DHX8: variants seen among roughly 807,000 people sequenced by gnomAD.
DHX8 encodes DEAH-box helicase 8, also known as ATP-dependent RNA helicase DHX8.
In DHX8, 67 loss-of-function variants were observed where a neutral mutation model predicts 140.7. The observed-to-expected ratio is 0.48, with a 90% CI of 0.39 to 0.58. The LOEUF is 0.58. Among genes scored for constraint, DHX8 ranks in the 20% least tolerant of loss-of-function variants. The pLI is 0.00. For missense variants in DHX8, 887 were observed against 1,550.7 expected (o/e 0.57, Z 7.19); for synonymous variants, 533 against 553.2 (o/e 0.96, Z 0.51).
chr17:43,525,814 C>G (rs1465046976), downstream of DHX8: 2 of 985,722 alleles, frequency 2.0e-6, no homozygotes, highest in Non-Finnish European at 2.4e-6. Flanking sequence ...CAGAAACACT[C>G]CTGGATATAG....
At chr17:43,493,102 A>G (rs771589878) in intron 6 of DHX8, 62 bp downstream of exon 6, 37 of 1,555,326 alleles carry the variant, frequency 2.4e-5, no homozygotes, top group Non-Finnish European at 3.1e-5. Flanking sequence ...ATCACTGAGG[A>G]TGTTCACATT....
rs1453204751 is a variant in DHX8 at position 43,492,836 on chromosome 17, C to CT, written c.660dup (p.Arg221Ter). 6.2e-7 allele frequency: 1 copy of CT among 1,614,066 alleles called. No homozygotes were observed. Among genetic ancestry groups the CT allele is most frequent in the East Asian group, 2.2e-5 (1 of 44,882 alleles). On this transcript the variant is annotated frameshift_variant, in exon 6 of 23. Coordinates refer to ENST00000262415, the MANE Select transcript of DHX8 (RefSeq NM_004941.3). LOFTEE classifies it high-confidence loss of function. Reference sequence around the variant, plus strand: ...ACCCGGGAGAGGAATAAAGTGAAGTCTAGATATCGGTCCAGGAGCAGGAGT... The same window carrying CT: ...ACCCGGGAGAGGAATAAAGTGAAGTCTTAGATATCGGTCCAGGAGCAGGAGT...
chr17:43,521,261 C>A, intron 20 of DHX8, 108 bp from the exon 21 acceptor site: 2 of 903,400 alleles, frequency 2.2e-6, no homozygotes, highest in Non-Finnish European at 3.3e-6. Context: ...TCATGCCTAG[C>A]CTGATGTGGA....
At chr17:43,504,323 A>C (rs946162669) in intron 11 of DHX8, among the ~76,000 whole-genome samples, 3 of 151,942 alleles carry the variant, frequency 2.0e-5, no homozygotes, top group Non-Finnish European at 2.9e-5. Flanking sequence ...GCACCACTGC[A>C]CTCCCACTTG....
chr17:43,531,648 C>G (rs1317521373), downstream of DHX8, among the ~76,000 whole-genome samples: 1 of 152,124 alleles, frequency 6.6e-6, no homozygotes, highest in Non-Finnish European at 1.5e-5. Context: ...CCAGCCTGGG[C>G]GAGAGAGCAA....
At position 43,504,705 on chromosome 17, in the gene DHX8, T is replaced by C; in HGVS notation, c.1608T>C (p.Pro536=). 6.2e-7 allele frequency: 1 copy of C among 1,614,120 alleles called. No individual in the cohort carries two copies. Residue 536 remains proline, a synonymous_variant, in exon 12 of 23, where the codon CCT becomes CCC. Transcript: ENST00000262415. ...RGIGMMPNDI[P]EWKKHAFGGN... is the part of the protein sequence containing the mutation. The stretch of plus-strand genomic sequence containing the variant: ...TTGGGATGATGCCCAATGATATTCC[T>C]GAGTGGAAGAAGCATGCCTTTGGGG...
chr17:43,496,729 G>A (rs113367947), intron 9 of DHX8, among the ~76,000 whole-genome samples: 2,660 of 151,744 alleles, frequency 0.018, 80 homozygotes, highest in African/African-American at 0.06. Flanking sequence ...GCCGTGAGCC[G>A]AGATCGCGCC....
At chr17:43,511,456 A>ATTCTTTTTTTTTTTTT (rs1969821932) in intron 16 of DHX8, among the ~76,000 whole-genome samples, 1 of 56,790 alleles carries the variant, frequency 1.8e-5, no homozygotes, top group Non-Finnish European at 2.9e-5. Flanking sequence ...TGATCCCAGC[A>ATTCTTTTTTTTTTTTT]TTTTTTTTTT....
intron 18 of DHX8, 42 bp downstream of exon 18, chr17:43,517,364 C>A: frequency 6.4e-7 from 1 of 1,572,884 alleles, no homozygotes. Flanking sequence ...GTGGAACAGT[C>A]CAATCCTGGC....
rs142353577 is a variant in DHX8, at chr17:43,525,128, A to G, written c.*1281A>G. On this transcript the variant is annotated 3_prime_UTR_variant, in exon 23 of 23. Coordinates refer to ENST00000262415, the MANE Select transcript of DHX8 (RefSeq NM_004941.3). The stretch of plus-strand genomic sequence containing the variant: ...CTCCTTACCTGGCGGAACATCAGGC[A>G]GGTCTTGCCAGGCCAGGTTTCGGAA... The G allele has an allele frequency of 2.0e-6, 2 of 985,410 alleles. No individual in the cohort carries two copies. Among genetic ancestry groups the G allele is most frequent in the African/African-American group, 3.5e-5 (2 of 57,346 alleles). The allele number at this position is 985,410 out of a possible 1,614,324, so 61.0% of individuals were successfully genotyped here.
chr17:43,520,336 C>A, intron 19 of DHX8, 69 bp downstream of exon 19: 1 of 1,577,810 alleles, frequency 6.3e-7, no homozygotes, highest in South Asian at 1.2e-5. Flanking sequence ...ATCCTTCGGT[C>A]TGTACAAAAT....
At chr17:43,494,033 C>A in intron 8 of DHX8, 147 bp downstream of exon 8, 1 of 765,314 alleles carries the variant, frequency 1.3e-6, no homozygotes, top group Non-Finnish European at 2.1e-6. Context: ...GTACCTGAGA[C>A]TGGGCAATTT....
intron 3 of DHX8, among the ~76,000 whole-genome samples, chr17:43,538,816 G>A (rs1785329171): frequency 6.6e-6 from 1 of 152,038 alleles, no homozygotes; most frequent in African/African-American, 2.4e-5. Flanking sequence ...CTCCTTCCCT[G>A]GAGACTGCTC....
chr17:43,507,640 A>G lies in DHX8; in HGVS notation c.2061A>G (p.Ala687=). Residue 687 remains alanine (A), a synonymous_variant, in exon 14 of 23, where the codon GCA becomes GCG. Coordinates refer to ENST00000262415, the MANE Select transcript of DHX8 (RefSeq NM_004941.3). ...ACGCGATCATCATGTTGGACGAGGC[A>G]CATGAGAGGACAATTCACACTGATG... ...TQYAIIMLDE[A]HERTIHTDVL... The G allele has an allele frequency of 6.2e-7, 1 of 1,614,190 alleles. No individual in the cohort carries two copies. Among genetic ancestry groups the G allele is most frequent in the Non-Finnish European group, 8.5e-7 (1 of 1,180,046 alleles).
Position 43,492,202 on chromosome 17 carries a change from A to T in DHX8, c.413A>T (p.Asp138Val), listed in dbSNP as rs527780869. The T allele has an allele frequency of 6.2e-7, 1 of 1,614,026 alleles. No individual in the cohort carries two copies. The highest frequency in any genetic ancestry group is 8.5e-7 in the Non-Finnish European group (1 of 1,179,982). The change falls in exon 5 of 23, where the codon GAT becomes GTT. Residue 138 changes from aspartate (D) to valine (V), a missense_variant. Asp to Val is a radical substitution (Grantham distance 152). This residue lies in a region of DHX8 where 304 missense variants were observed against 306.9 expected (regional missense o/e 0.99). Coordinates refer to ENST00000262415, the MANE Select transcript of DHX8 (RefSeq NM_004941.3). Reference protein sequence around the residue: ...PSVRTMLDEDDVKVAVDVLKE... With the variant: ...PSVRTMLDEDVVKVAVDVLKE... ...CTGCAGACCATGTTGGATGAAGATG[A>T]TGTGAAAGTTGCTGTGGATGTCCTG...
chr17:43,533,313 G>C, intron 2 of DHX8: 1 of 1,613,884 alleles, frequency 6.2e-7, no homozygotes, highest in Non-Finnish European at 8.5e-7. Context: ...AGGGGCAGGG[G>C]ACTTGATGGC....
intron 2 of DHX8, among the ~76,000 whole-genome samples, chr17:43,535,201 G>A (rs1971173556): frequency 6.6e-6 from 1 of 152,176 alleles, no homozygotes; most frequent in South Asian, 2.1e-4. Context: ...TGCTGTTTTT[G>A]ATTCTTTGTG....
chr17:43,493,790 C>G lies in DHX8; in HGVS notation c.1116C>G (p.His372Gln). 1 of 1,614,230 alleles carries G rather than the reference C, an allele frequency of 6.2e-7. No individual in the cohort carries two copies. Among genetic ancestry groups the G allele is most frequent in the Non-Finnish European group, 8.5e-7 (1 of 1,180,050 alleles). Residue 372 changes from histidine to glutamine, a missense_variant, in exon 8 of 23, where the codon CAC (histidine) becomes CAG (glutamine). Physicochemically the swap from His to Gln is conservative, Grantham distance 24 (BLOSUM62 0). Around this residue, in one of 9 missense-constraint regions of DHX8, gnomAD observed 98 missense variants for 152.7 expected, o/e 0.64. Transcript: ENST00000262415. Reference protein sequence around the residue: ...TSMRNPDRPTHLSLVSAPEVE... With the variant: ...TSMRNPDRPTQLSLVSAPEVE... ...TGCGGAATCCTGATAGACCCACTCACTTGTCCCTTGTCAGTGCTCCTGAAG... is the reference window on the plus strand; with the variant it reads ...TGCGGAATCCTGATAGACCCACTCAGTTGTCCCTTGTCAGTGCTCCTGAAG...
intron 12 of DHX8, among the ~76,000 whole-genome samples, chr17:43,506,739 G>T (rs1484641051): frequency 6.6e-6 from 1 of 151,998 alleles, no homozygotes; most frequent in Non-Finnish European, 1.5e-5. Flanking sequence ...TACAAACAAC[G>T]TAGAAATAAG....
Sources: allele counts gnomAD v4.1 joint callset (sites outside exome capture counted in the v4.1 genomes callset), GRCh38; gene constraint gnomAD v4.1.1; regional missense constraint gnomAD v4.1.1; transcripts MANE v1.5; gene names NCBI Gene and HGNC (gene_info 2026-07-23, HGNC 2026-07-21).